NAALADL2: variants seen among roughly 807,000 people sequenced by gnomAD.
NAALADL2 encodes N-acetylated alpha-linked acidic dipeptidase like 2, also known as inactive N-acetylated-alpha-linked acidic dipeptidase-like protein 2.
NAALADL2 carries 76 observed loss-of-function variants against 87.2 expected under a neutral mutation model. The observed-to-expected ratio is 0.87, with a 90% CI of 0.72 to 1.05. NAALADL2 has a LOEUF of 1.05. Among genes scored for constraint, NAALADL2 ranks in the 50% least tolerant of loss-of-function variants. NAALADL2 has a pLI of 0.00. For missense variants in NAALADL2, 1,089 were observed against 945.8 expected (o/e 1.15, Z -1.99); for synonymous variants, 354 against 331.0 (o/e 1.07, Z -0.75).
At chr3:175,365,475 G>C (rs1190638393) in intron 5 of NAALADL2, among the ~76,000 whole-genome samples, 2 of 147,372 alleles carry the variant, frequency 1.4e-5, no homozygotes, top group African/African-American at 2.5e-5. Flanking sequence ...AATAGAAGTC[G>C]CTTGGTTCCA....
chr3:175,390,433 A>C (rs1768936752), intron 5 of NAALADL2, among the ~76,000 whole-genome samples: 1 of 152,200 alleles, frequency 6.6e-6, no homozygotes, highest in Admixed American at 6.5e-5. Flanking sequence ...AATTCAGGAA[A>C]CTATTCTGGT....
At chr3:175,790,996 T>C (rs1200946068) in intron 13 of NAALADL2, among the ~76,000 whole-genome samples, 1 of 152,174 alleles carries the variant, frequency 6.6e-6, no homozygotes, top group African/African-American at 2.4e-5. Context: ...AGGTTTCTGT[T>C]AGGGAGCTGG....
chr3:175,420,691 T>C (rs1446131585), intron 5 of NAALADL2, among the ~76,000 whole-genome samples: 2 of 152,070 alleles, frequency 1.3e-5, no homozygotes, highest in Non-Finnish European at 2.9e-5. Flanking sequence ...ATTATAAAGT[T>C]GAACATCTCC....
intron 10 of NAALADL2, among the ~76,000 whole-genome samples, chr3:175,614,790 A>C (rs73881305): frequency 5.3e-5 from 8 of 152,240 alleles, no homozygotes; most frequent in Non-Finnish European, 1.2e-4. Flanking sequence ...ATATGCAACT[A>C]TAAAAAATTA....
At chr3:174,876,189 G>C (rs1553880617) in intron 1 of NAALADL2, among the ~76,000 whole-genome samples, 1 of 151,982 alleles carries the variant, frequency 6.6e-6, no homozygotes, top group Non-Finnish European at 1.5e-5. Context: ...TTCTCTCTTT[G>C]TTATTATATG....
intron 1 of NAALADL2, among the ~76,000 whole-genome samples, chr3:174,480,637 A>G (rs992710682): frequency 6.6e-6 from 1 of 152,110 alleles, no homozygotes; most frequent in South Asian, 2.1e-4. Context: ...TTTATTAATC[A>G]TATACATTCT....
Position 175,548,363 on chromosome 3 carries a change from A to G in NAALADL2, c.1654-27678A>G, listed in dbSNP as rs186025675. 9.2e-5 allele frequency among the ~76,000 whole-genome samples: 14 copies of G among 152,232 alleles called. No homozygotes were observed. In the East Asian group the frequency reaches 1.9e-3, roughly 21 times the overall value. Reference sequence around the variant, plus strand: ...GGAGCTAAATTATGAGAACACATGGACACATAGAGGGGAACAACACACACT... The same window carrying G: ...GGAGCTAAATTATGAGAACACATGGGCACATAGAGGGGAACAACACACACT... On this transcript the variant is annotated intron_variant, in intron 9 of 13. Coordinates refer to ENST00000454872, the MANE Select transcript of NAALADL2 (RefSeq NM_207015.3).
At chr3:175,680,408 A>G (rs879927793) in intron 11 of NAALADL2, among the ~76,000 whole-genome samples, 1 of 152,226 alleles carries the variant, frequency 6.6e-6, no homozygotes, top group Admixed American at 6.5e-5. Flanking sequence ...AAGGTCTAAT[A>G]TCAGTGATAG....
intron 10 of NAALADL2, among the ~76,000 whole-genome samples, chr3:175,601,426 A>T (rs989743420): frequency 1.3e-5 from 2 of 152,168 alleles, no homozygotes; most frequent in Non-Finnish European, 2.9e-5. Context: ...TGGACACATT[A>T]TGAAAAATCC....
intron 3 of NAALADL2, among the ~76,000 whole-genome samples, chr3:174,780,998 T>G (rs1261561155): frequency 2.6e-5 from 4 of 152,132 alleles, no homozygotes; most frequent in Non-Finnish European, 5.9e-5. Context: ...TCTCAGCATT[T>G]GCTTGTCTGT....
intron 11 of NAALADL2, among the ~76,000 whole-genome samples, chr3:175,736,908 G>GTCCTTAGTCCTTTGTCTGAA (rs1373351150): frequency 6.6e-6 from 1 of 152,152 alleles, no homozygotes; most frequent in Admixed American, 6.5e-5. Context: ...TTTGTCTGAA[G>GTCCTTAGTCCTTTGTCTGAA]TTTTCCTTAG....
Position 175,745,470 on chromosome 3 carries a change from A to C in NAALADL2, c.1990+8071A>C, listed in dbSNP as rs78852568. On this transcript the variant is annotated intron_variant, in intron 12 of 13. Transcript: ENST00000454872. ...CATGAATGTTCAAGTTCTTCATATA[A>C]AATTATGTAGTATTTGCATATAACT... Among the ~76,000 whole-genome samples the C allele has an allele frequency of 9.2e-3, 1,401 of 152,266 alleles. 10 individuals are homozygous for C. Among genetic ancestry groups the C allele is most frequent in the Non-Finnish European group, 0.016 (1,113 of 67,998 alleles).
intron 9 of NAALADL2, among the ~76,000 whole-genome samples, chr3:175,475,951 G>T (rs545390620): frequency 3.3e-5 from 5 of 152,182 alleles, no homozygotes; most frequent in African/African-American, 1.2e-4. Flanking sequence ...TCAAACTCCC[G>T]GTCTCAAGTG....
chr3:174,898,141 AAAG>A lies in NAALADL2; in HGVS notation c.43+38694_43+38696del, dbSNP rs1731834135. ...AAAAAAAAAAAAAAAAAAAAAAAAA[AAAG>A]AAAAAAAGAATGAGATCTTATCATT... is the stretch of plus-strand genomic sequence containing the variant. On this transcript the variant is annotated intron_variant, in intron 1 of 13. Coordinates refer to ENST00000454872, the MANE Select transcript of NAALADL2 (RefSeq NM_207015.3). Among the ~76,000 whole-genome samples the A allele has an allele frequency of 1.1e-4, 14 of 132,542 alleles. 1 individual carries two copies. The highest frequency in any genetic ancestry group is 3.7e-4 in the African/African-American group (10 of 26,966). 87.0% of individuals were successfully genotyped at this position (132,542 alleles called of 152,430 possible). A position where few individuals can be genotyped will look rare whatever the true frequency, so the allele number is the denominator to read the frequency against.
intron 3 of NAALADL2, among the ~76,000 whole-genome samples, chr3:174,833,360 G>C (rs932076709): frequency 6.6e-6 from 1 of 151,816 alleles, no homozygotes; most frequent in African/African-American, 2.4e-5. Flanking sequence ...GACTCATAAA[G>C]AGAAAGAAAA....
intron 3 of NAALADL2, among the ~76,000 whole-genome samples, chr3:174,823,835 C>T (rs1372791588): frequency 6.6e-6 from 1 of 152,124 alleles, no homozygotes; most frequent in Admixed American, 6.5e-5. Context: ...CTCAGCCTCC[C>T]GAGTAGCTGG....
At position 175,708,056 on chromosome 3, in the gene NAALADL2, T is replaced by C. The variant is rs1739983943; in HGVS notation, c.1897-29250T>C. On this transcript the variant is annotated intron_variant, in intron 11 of 13. Transcript: ENST00000454872. ...AACATTTCAGGCAAAGGCAATGCTATGGGTAAATTCCAGAAGTGACAAGGA... is the reference window on the plus strand; with the variant it reads ...AACATTTCAGGCAAAGGCAATGCTACGGGTAAATTCCAGAAGTGACAAGGA... 1.3e-5 allele frequency among the ~76,000 whole-genome samples: 2 copies of C among 151,966 alleles called. 1 individual carries two copies. Among genetic ancestry groups the C allele is most frequent in the South Asian group, 4.1e-4 (2 of 4,828 alleles).
intron 2 of NAALADL2, among the ~76,000 whole-genome samples, chr3:175,199,165 G>T (rs939219462): frequency 6.6e-5 from 10 of 152,228 alleles, no homozygotes; most frequent in Admixed American, 3.3e-4. Context: ...CCAAAAGAGC[G>T]CAGAGCTTTC....
intron 1 of NAALADL2, among the ~76,000 whole-genome samples, chr3:174,890,001 G>C (rs954223004): frequency 6.6e-6 from 1 of 152,218 alleles, no homozygotes; most frequent in South Asian, 2.1e-4. Flanking sequence ...AGAGAAGTTC[G>C]CTGTAGTACG....
Sources: allele counts gnomAD v4.1 joint callset (sites outside exome capture counted in the v4.1 genomes callset), GRCh38; gene constraint gnomAD v4.1.1; transcripts MANE v1.5; gene names NCBI Gene and HGNC (gene_info 2026-07-23, HGNC 2026-07-21).